KCTD1: variants seen among roughly 807,000 people sequenced by gnomAD.
KCTD1 encodes potassium channel tetramerization domain containing 1.
KCTD1 carries 24 observed loss-of-function variants against 66.0 expected under a neutral mutation model. The ratio of observed to expected loss-of-function variants is 0.36; its 90% CI spans 0.26 to 0.51. KCTD1 has a LOEUF of 0.51. KCTD1 is among the 20% of genes least tolerant of loss of function. The pLI is 0.95. For missense variants in KCTD1, 943 were observed against 1,205.2 expected (o/e 0.78, Z 3.22); for synonymous variants, 511 against 517.2 (o/e 0.99, Z 0.16).
At chr18:26,638,393 A>C (rs969036378) in intron 1 of KCTD1, among the ~76,000 whole-genome samples, 10 of 152,364 alleles carry the variant, frequency 6.6e-5, no homozygotes, top group African/African-American at 1.4e-4. Flanking sequence ...AGGCCTAAGC[A>C]CAGCATACAA....
intron 1 of KCTD1, among the ~76,000 whole-genome samples, chr18:26,651,582 G>A (rs1314223077): frequency 1.3e-5 from 2 of 151,914 alleles, no homozygotes; most frequent in Non-Finnish European, 2.9e-5. Flanking sequence ...TCAGGAGTTC[G>A]AGACCAGCTT....
At chr18:26,460,192 G>A (rs527695058) in intron 3 of KCTD1, among the ~76,000 whole-genome samples, 37 of 152,274 alleles carry the variant, frequency 2.4e-4, no homozygotes, top group African/African-American at 4.1e-4. Flanking sequence ...TGTAACCCTC[G>A]TCAATGCCCA....
intron 1 of KCTD1, among the ~76,000 whole-genome samples, chr18:26,608,569 G>A (rs2144987065): frequency 6.6e-6 from 1 of 152,292 alleles, no homozygotes; most frequent in Non-Finnish European, 1.5e-5. Flanking sequence ...AGTCCATATG[G>A]GGCAGGGTCG....
chr18:26,555,608 C>A (rs1424561657), intron 1 of KCTD1, among the ~76,000 whole-genome samples: 2 of 152,134 alleles, frequency 1.3e-5, no homozygotes, highest in East Asian at 1.9e-4. Context: ...TGCATCCAGG[C>A]CACTTGGACA....
At chr18:26,532,193 A>G (rs1984465797) in intron 1 of KCTD1, among the ~76,000 whole-genome samples, 1 of 152,018 alleles carries the variant, frequency 6.6e-6, no homozygotes, top group South Asian at 2.1e-4. Flanking sequence ...CAAGAAGGAA[A>G]GAGATTCTGA....
At chr18:26,625,639 T>G in intron 1 of KCTD1, among the ~76,000 whole-genome samples, 1 of 152,230 alleles carries the variant, frequency 6.6e-6, no homozygotes, top group South Asian at 2.1e-4. Context: ...TGGCAGTTCT[T>G]TATAGCAGTG....
At chr18:26,576,713 G>A (rs1160395317) in intron 1 of KCTD1, among the ~76,000 whole-genome samples, 2 of 151,880 alleles carry the variant, frequency 1.3e-5, no homozygotes, top group East Asian at 1.9e-4. Flanking sequence ...TTAAAACAAG[G>A]TTATATTTTA....
chr18:26,491,173 T>C (rs1387618178), intron 2 of KCTD1, among the ~76,000 whole-genome samples: 1 of 152,188 alleles, frequency 6.6e-6, no homozygotes, highest in Non-Finnish European at 1.5e-5. Flanking sequence ...AGTGTCGCAC[T>C]GGTTGTTGCA....
At chr18:26,549,653 GA>G, upstream of KCTD1, 1 of 955,258 alleles carries the variant, frequency 1.0e-6, no homozygotes, top group Non-Finnish European at 1.2e-6. Context: ...CGGGCAGGCG[GA>G]AAAAGCGAAC....
intron 1 of KCTD1, among the ~76,000 whole-genome samples, chr18:26,634,905 C>T (rs1446417675): frequency 1.1e-4 from 17 of 152,134 alleles, no homozygotes; most frequent in Admixed American, 1.1e-3. Context: ...GCTAAACGCC[C>T]TCTGAGACTC....
chr18:26,657,071 G>C (rs532080486), intron 1 of KCTD1, among the ~76,000 whole-genome samples: 1 of 151,174 alleles, frequency 6.6e-6, no homozygotes, highest in Non-Finnish European at 1.5e-5. Context: ...CGCGGCCCCT[G>C]CTGGCCGCAC....
chr18:26,539,533 T>C (rs1984871957), intron 1 of KCTD1, among the ~76,000 whole-genome samples: 1 of 152,228 alleles, frequency 6.6e-6, no homozygotes, highest in African/African-American at 2.4e-5. Context: ...TTCTACTCCA[T>C]AGCTACAGAA....
intron 1 of KCTD1, among the ~76,000 whole-genome samples, chr18:26,514,261 G>A (rs890058168): frequency 1.3e-5 from 2 of 152,086 alleles, no homozygotes; most frequent in African/African-American, 2.4e-5. Context: ...AAAGGTGTGG[G>A]GGAGGAGAGA....
intron 3 of KCTD1, among the ~76,000 whole-genome samples, chr18:26,469,837 C>T (rs1376464117): frequency 6.6e-6 from 1 of 152,024 alleles, no homozygotes; most frequent in Non-Finnish European, 1.5e-5. Flanking sequence ...TCTGGAAAAA[C>T]ATAAAAATGT....
intron 1 of KCTD1, among the ~76,000 whole-genome samples, chr18:26,595,562 A>C (rs1986747164): frequency 6.6e-6 from 1 of 152,166 alleles, no homozygotes; most frequent in Admixed American, 6.5e-5. Context: ...GACTGCCACA[A>C]AGTGACTTTG....
At chr18:26,573,794 C>T (rs374584202) in intron 1 of KCTD1, among the ~76,000 whole-genome samples, 441 of 152,272 alleles carry the variant, frequency 2.9e-3, no homozygotes, top group Non-Finnish European at 4.7e-3. Context: ...TTTTTCAATT[C>T]AATATGTAAA....
chr18:26,532,665 TCAGA>T (rs1984506973), intron 1 of KCTD1, among the ~76,000 whole-genome samples: 1 of 152,170 alleles, frequency 6.6e-6, no homozygotes, highest in African/African-American at 2.4e-5. Context: ...GTTGAGGTGG[TCAGA>T]GAAGTCTGGC....
rs537794118 is a variant in KCTD1 at position 26,523,670 on chromosome 18, A to G, written c.1810-22420T>C. ...AATTTAAAACAAAAAAATAAAATCC[A>G]AACCATCATAACACCTAAGGTAAGC... is the stretch of plus-strand genomic sequence containing the variant. On this transcript the variant is annotated intron_variant, in intron 1 of 4. Transcript: ENST00000580059. Among the ~76,000 whole-genome samples, 70 of 152,316 alleles carry G rather than the reference A, an allele frequency of 4.6e-4. 1 individual carries two copies. In the Middle Eastern group the frequency reaches 0.014, roughly 30 times the overall value.
Position 26,574,216 on chromosome 18 carries a change from A to G in KCTD1, c.-16+54931T>C, listed in dbSNP as rs1315488989. ...CCTAATTAGCTGAAAACCAAATAAT[A>G]GAGGATCTTAAATAAACACATTCTC... On this transcript the variant is annotated intron_variant, in intron 1 of 4. Coordinates refer to the KCTD1 transcript ENST00000317932. 7.9e-5 allele frequency among the ~76,000 whole-genome samples: 12 copies of G among 152,234 alleles called. No individual in the cohort carries two copies. The East Asian group carries it at 2.1e-3, about 27-fold the overall frequency.
Sources: gnomAD v4.1 joint callset for allele counts (sites outside exome capture counted in the v4.1 genomes callset) on GRCh38, gnomAD v4.1.1 for gene constraint, MANE v1.5 for transcripts, NCBI Gene and HGNC (gene_info 2026-07-23, HGNC 2026-07-21) for gene names.